CLUAP1: variants seen among roughly 807,000 people sequenced by gnomAD.
CLUAP1 encodes the protein clusterin-associated protein 1.
In CLUAP1, 50 loss-of-function variants were observed where a neutral mutation model predicts 55.0. The ratio of observed to expected loss-of-function variants is 0.91; its 90% CI spans 0.72 to 1.15. CLUAP1 has a LOEUF of 1.15. Among genes scored for constraint, CLUAP1 ranks in the 50% most tolerant of loss-of-function variants. CLUAP1 has a pLI of 0.00. For missense variants in CLUAP1, 530 were observed against 507.6 expected (o/e 1.04, Z -0.42); for synonymous variants, 195 against 175.4 (o/e 1.11, Z -0.88).
At chr16:3,498,660 C>T (rs1242989294), upstream of CLUAP1, among the ~76,000 whole-genome samples, 1 of 152,052 alleles carries the variant, frequency 6.6e-6, no homozygotes, top group Non-Finnish European at 1.5e-5. Flanking sequence ...GAGATCCAGA[C>T]CATCCTGGCA....
intron 10 of CLUAP1, among the ~76,000 whole-genome samples, chr16:3,531,673 C>G (rs2038122306): frequency 6.6e-6 from 1 of 152,142 alleles, no homozygotes; most frequent in Admixed American, 6.6e-5. Flanking sequence ...TTACAGATTA[C>G]CTTTCTGTAC....
rs370512056 is a variant in CLUAP1, at chr16:3,508,342, G to T, written c.273G>T (p.Gly91=). ...CTAAGAAGCTTTATCAAGCAGATGG[G>T]TATGCGGTAAAAGAGCTGCTGAAGA... ...LNTKKLYQAD[G]YAVKELLKIT... Residue 91 remains glycine, a synonymous_variant, in exon 4 of 12, where the codon GGG becomes GGT. Transcript: ENST00000576634. 5 of 1,610,028 alleles carry T rather than the reference G, an allele frequency of 3.1e-6. No homozygotes were observed. The highest frequency in any genetic ancestry group is 4.2e-6 in the Non-Finnish European group (5 of 1,178,938).
At chr16:3,519,200 C>T (rs1195609035) in intron 6 of CLUAP1, among the ~76,000 whole-genome samples, 2 of 152,180 alleles carry the variant, frequency 1.3e-5, no homozygotes, top group African/African-American at 2.4e-5. Flanking sequence ...TCAGTGGGCC[C>T]GTGTCCCCCT....
intron 8 of CLUAP1, among the ~76,000 whole-genome samples, chr16:3,524,596 CAAAAAAAAAAAAA>C (rs755040158): frequency 2.3e-4 from 8 of 34,292 alleles, no homozygotes; most frequent in Admixed American, 5.5e-4. Flanking sequence ...GACACCATCT[CAAAAAAAAAAAAA>C]AAAAAAAAAA....
At position 3,523,305 on chromosome 16, in the gene CLUAP1, C is replaced by A. The variant is rs770758990; in HGVS notation, c.855+6C>A. ...TGGAGCAAGAAAGGTTTGAGGTGAG[C>A]TGAGCCTGTCCTCTGTTCAGCCATT... is the stretch of plus-strand genomic sequence containing the variant. On this transcript the variant is annotated splice_donor_region_variant and intron_variant, in intron 8 of 11. Coordinates refer to ENST00000576634, the MANE Select transcript of CLUAP1 (RefSeq NM_015041.3). The A allele has an allele frequency of 6.2e-7, 1 of 1,608,402 alleles. No homozygotes were observed. Among genetic ancestry groups the A allele is most frequent in the Non-Finnish European group, 8.5e-7 (1 of 1,178,024 alleles).
intron 6 of CLUAP1, among the ~76,000 whole-genome samples, chr16:3,518,120 G>A (rs1182568426): frequency 6.6e-6 from 1 of 152,168 alleles, no homozygotes; most frequent in Non-Finnish European, 1.5e-5. Flanking sequence ...GTATTGGAAC[G>A]TCTGGTCAGC....
intron 4 of CLUAP1, among the ~76,000 whole-genome samples, chr16:3,509,345 C>G (rs1272202311): frequency 6.6e-6 from 1 of 152,200 alleles, no homozygotes; most frequent in Admixed American, 6.5e-5. Context: ...GCCTGGGAAG[C>G]CCCTGGAAAG....
chr16:3,522,469 T>C (rs1258237080), intron 7 of CLUAP1, among the ~76,000 whole-genome samples: 2 of 152,184 alleles, frequency 1.3e-5, no homozygotes, highest in Non-Finnish European at 2.9e-5. Context: ...CGGCCAACAG[T>C]AGAACATTAT....
chr16:3,522,757 G>A (rs2037863580), intron 7 of CLUAP1, among the ~76,000 whole-genome samples: 1 of 151,990 alleles, frequency 6.6e-6, no homozygotes, highest in Admixed American at 6.6e-5. Context: ...ATATTGAAAT[G>A]AAATAAAGAT....
chr16:3,496,218 C>A (rs2037307460), upstream of CLUAP1: 1 of 595,340 alleles, frequency 1.7e-6, no homozygotes, highest in African/African-American at 1.9e-5. Flanking sequence ...CTGACGTCCG[C>A]CACAAGAAGG....
chr16:3,510,318 C>A (rs1416098603), intron 4 of CLUAP1, among the ~76,000 whole-genome samples: 2 of 142,552 alleles, frequency 1.4e-5, no homozygotes, highest in Non-Finnish European at 3.0e-5. Flanking sequence ...TTTTTTTTAG[C>A]AGAGATGGGG....
chr16:3,512,046 C>A (rs1484101056), intron 4 of CLUAP1, among the ~76,000 whole-genome samples: 1 of 152,008 alleles, frequency 6.6e-6, no homozygotes, highest in Non-Finnish European at 1.5e-5. Context: ...ATTAGCCGGG[C>A]GTGGTGGCAC....
In CLUAP1 at chr16:3,512,424, C is replaced by T. The variant is rs771505626; in HGVS notation, c.441C>T (p.Ile147=). The change falls in exon 5 of 12, where the codon ATC becomes ATT. Residue 147 remains isoleucine (I), a synonymous_variant. Transcript: ENST00000576634. ...CAGCCAGGCAGCTTGCGTCTGAAAT[C>T]ACCTCCAAAGGAGCATCTCTGTATG... is the stretch of plus-strand genomic sequence containing the variant. ...LKAARQLASE[I]TSKGASLYDL... 13 of 1,613,958 alleles carry T rather than the reference C, an allele frequency of 8.1e-6. No homozygotes were observed. Among genetic ancestry groups the T allele is most frequent in the African/African-American group, 8.0e-5 (6 of 74,924 alleles).
At position 3,523,253 on chromosome 16, in the gene CLUAP1, A is replaced by C. The variant is rs779201447; in HGVS notation, c.809A>C (p.Glu270Ala). 3 of 1,613,814 alleles carry C rather than the reference A, an allele frequency of 1.9e-6. No homozygotes were observed. The Admixed American group carries it at 5.0e-5, about 27-fold the overall frequency. ...AAATTTCAAAATCTGACTTATCTGGAACAACAGCTTGAAGACCATCATAGG... is the reference window on the plus strand; with the variant it reads ...AAATTTCAAAATCTGACTTATCTGGCACAACAGCTTGAAGACCATCATAGG... ...LEKFQNLTYL[E>A]QQLEDHHRME... The change falls in exon 8 of 12, where the codon GAA becomes GCA. Residue 270 changes from glutamate to alanine, a missense_variant. Transcript: ENST00000576634.
intron 2 of CLUAP1, among the ~76,000 whole-genome samples, chr16:3,505,446 A>G (rs1310779333): frequency 6.7e-6 from 1 of 149,374 alleles, no homozygotes; most frequent in Non-Finnish European, 1.5e-5. Flanking sequence ...AGGAGAATGG[A>G]GTGAACCCGG....
chr16:3,505,491 G>A (rs2151041923), intron 2 of CLUAP1, among the ~76,000 whole-genome samples: 1 of 149,046 alleles, frequency 6.7e-6, no homozygotes, highest in South Asian at 2.1e-4. Flanking sequence ...AGTGTGCAGT[G>A]AGCCGAGATA....
intron 8 of CLUAP1, among the ~76,000 whole-genome samples, chr16:3,524,311 A>G (rs1444223632): frequency 1.3e-5 from 2 of 149,526 alleles, no homozygotes; most frequent in Admixed American, 1.3e-4. Flanking sequence ...CAAAAAGAAA[A>G]AAAAAAAGGG....
intron 11 of CLUAP1, chr16:3,533,389 G>A (rs73503378): frequency 7.6e-4 from 410 of 540,762 alleles, no homozygotes; most frequent in African/African-American, 6.6e-3. Context: ...GCCCTGGGCC[G>A]CCACCTAGAA....
In CLUAP1 at chr16:3,517,595, A is replaced by T. The variant is rs114875128; in HGVS notation, c.579+2004A>T. On this transcript the variant is annotated intron_variant, in intron 6 of 11. Transcript: ENST00000576634. ...TCAAAGTGCTGGGATTACAGGCATG[A>T]GGCATTGTGCCTGGCCCGCAGAGTA... Among the ~76,000 whole-genome samples the T allele has an allele frequency of 8.8e-3, 1,341 of 152,234 alleles. 21 individuals carry two copies. Among genetic ancestry groups the T allele is most frequent in the African/African-American group, 0.031 (1,283 of 41,512 alleles).
Sources: allele counts gnomAD v4.1 joint callset (sites outside exome capture counted in the v4.1 genomes callset), GRCh38; gene constraint gnomAD v4.1.1; transcripts MANE v1.5; gene names NCBI Gene and HGNC (gene_info 2026-07-23, HGNC 2026-07-21).